The following CFAP45 variants were observed in gnomAD, a reference collection of about 807,000 sequenced individuals.
CFAP45 encodes the protein cilia- and flagella-associated protein 45.
In CFAP45, 43 loss-of-function variants were observed where a neutral mutation model predicts 75.6. The observed-to-expected ratio is 0.57, with a 90% CI of 0.45 to 0.73. CFAP45 has a LOEUF of 0.73. CFAP45 is among the 30% of genes least tolerant of loss of function. The probability of loss-of-function intolerance (pLI) is 0.00; values close to 1 mark genes in which losing one functional copy is unlikely to be tolerated. For synonymous variants in CFAP45, 223 were observed against 244.6 expected, an observed-to-expected ratio of 0.91 and a Z score of 0.82; for missense variants, 689 against 701.5, an observed-to-expected ratio of 0.98 and a Z score of 0.20.
intron 10 of CFAP45, among the ~76,000 whole-genome samples, chr1:159,874,418 C>A (rs1649354508): frequency 1.3e-5 from 2 of 152,218 alleles, no homozygotes; most frequent in African/African-American, 4.8e-5. Context: ...GTGCCTTCTA[C>A]AGAGACTTCC....
intron 10 of CFAP45, among the ~76,000 whole-genome samples, chr1:159,875,687 G>C (rs193269718): frequency 6.6e-6 from 1 of 152,182 alleles, no homozygotes; most frequent in Non-Finnish European, 1.5e-5. Flanking sequence ...TGCTTGGCTT[G>C]TTTCCTTTTG....
chr1:159,883,169 T>C (rs964214761), intron 7 of CFAP45, among the ~76,000 whole-genome samples: 4 of 152,218 alleles, frequency 2.6e-5, no homozygotes, highest in African/African-American at 9.6e-5. Flanking sequence ...AGAATACGTG[T>C]TCCACAAGTT....
At chr1:159,899,919 ATTCCTCTTT>A (rs1650035427) in intron 1 of CFAP45, 168 bp downstream of exon 1, 1 of 622,754 alleles carries the variant, frequency 1.6e-6, no homozygotes, top group Non-Finnish European at 2.9e-6. Flanking sequence ...GCTATCCCTA[ATTCCTCTTT>A]TGAACCCACC....
chr1:159,883,060 C>G (rs1269571004), intron 7 of CFAP45, among the ~76,000 whole-genome samples: 2 of 152,202 alleles, frequency 1.3e-5, no homozygotes, highest in Admixed American at 1.3e-4. Context: ...TGCCCACCTG[C>G]AGCACTCTTC....
intron 10 of CFAP45, among the ~76,000 whole-genome samples, chr1:159,874,427 C>T: frequency 6.6e-6 from 1 of 152,242 alleles, no homozygotes; most frequent in East Asian, 1.9e-4. Context: ...ACAGAGACTT[C>T]CCAGTTTACC....
chr1:159,882,614 T>G (rs1649574310), intron 7 of CFAP45, among the ~76,000 whole-genome samples: 2 of 152,154 alleles, frequency 1.3e-5, no homozygotes, highest in Admixed American at 1.3e-4. Flanking sequence ...AAGGCACAGG[T>G]TTCCTTGCTA....
chr1:159,873,197 A>G, intron 10 of CFAP45, 29 bp from the exon 11 acceptor site: 1 of 1,599,832 alleles, frequency 6.3e-7, no homozygotes, highest in Non-Finnish European at 8.5e-7. Context: ...AATGGAATGA[A>G]CTCAGCTGAG....
intron 5 of CFAP45, 87 bp downstream of exon 5, chr1:159,887,751 CAGT>C: frequency 7.4e-6 from 10 of 1,359,424 alleles, no homozygotes; most frequent in East Asian, 2.4e-5. Flanking sequence ...ACACCCCCAC[CAGT>C]CCCTGGCCTT....
intron 7 of CFAP45, among the ~76,000 whole-genome samples, chr1:159,881,994 T>A (rs907609052): frequency 2.6e-5 from 4 of 152,208 alleles, no homozygotes; most frequent in Admixed American, 6.5e-5. Flanking sequence ...CCCTGATTCA[T>A]CTAACCAAGG....
intron 3 of CFAP45, among the ~76,000 whole-genome samples, chr1:159,888,871 A>G (rs1014574253): frequency 1.3e-5 from 2 of 151,336 alleles, no homozygotes; most frequent in African/African-American, 4.9e-5. Context: ...ATCACAGCCA[A>G]TTGGGCAGCT....
chr1:159,895,527 G>A (rs1018671278), intron 1 of CFAP45, among the ~76,000 whole-genome samples: 1 of 152,214 alleles, frequency 6.6e-6, no homozygotes, highest in African/African-American at 2.4e-5. Context: ...TCTCTGTGCT[G>A]TACATTGAAC....
At chr1:159,886,413 A>G in intron 6 of CFAP45, 98 bp downstream of exon 6, 1 of 1,025,428 alleles carries the variant, frequency 9.8e-7, no homozygotes, top group South Asian at 1.4e-5. Context: ...GATGACAATA[A>G]TGACCATTTC....
At chr1:159,880,222 C>T (rs562406201) in intron 8 of CFAP45, among the ~76,000 whole-genome samples, 44 of 152,284 alleles carry the variant, frequency 2.9e-4, no homozygotes, top group African/African-American at 9.6e-4. Context: ...GGTATAATTA[C>T]GCAAGTCATG....
At position 159,893,053 on chromosome 1, in the gene CFAP45, C is replaced by T. The variant is rs1399540702; in HGVS notation, c.129+127G>A. ...CTCTGCAGCTCAGGTCTCAGAATTC[C>T]CCTTTGTCTTCAGTCTGAGAGTTAC... On this transcript the variant is annotated intron_variant, in intron 2 of 11. Transcript: ENST00000368099. 2.9e-6 allele frequency: 3 copies of T among 1,044,308 alleles called. No homozygotes were observed. The East Asian group carries it at 7.6e-5, about 27-fold the overall frequency. 64.7% of individuals were successfully genotyped at this position (1,044,308 alleles called of 1,614,324 possible).
chr1:159,885,117 A>C (rs1404889757), intron 6 of CFAP45, among the ~76,000 whole-genome samples: 1 of 152,234 alleles, frequency 6.6e-6, no homozygotes, highest in Non-Finnish European at 1.5e-5. Context: ...GAGGGGAAAG[A>C]GTATGAGAGC....
chr1:159,898,607 C>T (rs1650003078), intron 1 of CFAP45, among the ~76,000 whole-genome samples: 1 of 152,200 alleles, frequency 6.6e-6, no homozygotes, highest in Non-Finnish European at 1.5e-5. Context: ...GATGGGGAAT[C>T]CCTGATCTGG....
chr1:159,898,103 G>T (rs543719799), intron 1 of CFAP45: 1 of 985,112 alleles, frequency 1.0e-6, no homozygotes, highest in South Asian at 4.7e-5. Flanking sequence ...CACAGTCTCC[G>T]CAGGCTGGCA....
chr1:159,888,407 C>CT lies in CFAP45; in HGVS notation c.361dup (p.Arg121LysfsTer5). Reference sequence around the variant, plus strand: ...CTGGTCCCTGGCCTCAAGTTCTTCTCTGGTCAGGACATGGGATGCCCATTT... The same window carrying CT: ...CTGGTCCCTGGCCTCAAGTTCTTCTCTTGGTCAGGACATGGGATGCCCATTT... On this transcript the variant is annotated frameshift_variant, in exon 4 of 12. Transcript: ENST00000368099. LOFTEE classifies it high-confidence loss of function. 3 of 1,611,428 alleles carry CT rather than the reference C, an allele frequency of 1.9e-6. No homozygotes were observed. Among genetic ancestry groups the CT allele is most frequent in the Non-Finnish European group, 2.5e-6 (3 of 1,178,030 alleles).
intron 1 of CFAP45, among the ~76,000 whole-genome samples, chr1:159,897,189 G>A (rs1180208260): frequency 2.6e-5 from 4 of 152,238 alleles, no homozygotes; most frequent in Admixed American, 2.0e-4. Flanking sequence ...GCTTGATCCC[G>A]GGAGGCAGAG....
Sources: gnomAD v4.1 joint callset for allele counts (sites outside exome capture counted in the v4.1 genomes callset) on GRCh38, gnomAD v4.1.1 for gene constraint, MANE v1.5 for transcripts, NCBI Gene and HGNC (gene_info 2026-07-23, HGNC 2026-07-21) for gene names.